ALDH1A2: variants seen among roughly 807,000 people sequenced by gnomAD.
The protein encoded by ALDH1A2 is aldehyde dehydrogenase 1 family member A2, also known as retinal dehydrogenase 2.
In ALDH1A2, 27 loss-of-function variants were observed where a neutral mutation model predicts 60.3. The observed-to-expected ratio is 0.45, with a 90% CI of 0.33 to 0.62. ALDH1A2 has a LOEUF of 0.62. Ranked by LOEUF, ALDH1A2 falls within the 20% of genes least tolerant of loss-of-function variation. The pLI is 0.02. For missense variants in ALDH1A2, 581 were observed against 643.8 expected (o/e 0.90, Z 1.06); for synonymous variants, 289 against 232.4 (o/e 1.24, Z -2.21).
chr15:57,995,600 G>A (rs1453558539), intron 4 of ALDH1A2, among the ~76,000 whole-genome samples: 2 of 152,066 alleles, frequency 1.3e-5, no homozygotes, highest in Non-Finnish European at 2.9e-5. Flanking sequence ...ACTGGAAAAA[G>A]TGAGGAGTAA....
At chr15:57,966,692 T>C (rs1425885576) in intron 7 of ALDH1A2, among the ~76,000 whole-genome samples, 1 of 152,202 alleles carries the variant, frequency 6.6e-6, no homozygotes, top group Non-Finnish European at 1.5e-5. Flanking sequence ...GTCCTACCCT[T>C]TCAGCCCAGC....
At chr15:58,057,647 C>T (rs1208842813) in intron 1 of ALDH1A2, among the ~76,000 whole-genome samples, 4 of 152,220 alleles carry the variant, frequency 2.6e-5, no homozygotes, top group African/African-American at 7.2e-5. Flanking sequence ...CTGGAAACAT[C>T]TCTATCTTCT....
intron 1 of ALDH1A2, among the ~76,000 whole-genome samples, chr15:58,042,287 C>A (rs564928308): frequency 1.3e-5 from 2 of 152,080 alleles, no homozygotes; most frequent in South Asian, 2.1e-4. Flanking sequence ...GAGCTAACTG[C>A]AGGTCCTCTG....
chr15:57,963,640 G>A lies in ALDH1A2; in HGVS notation c.1086+245C>T, dbSNP rs553414322. Among the ~76,000 whole-genome samples the A allele has an allele frequency of 5.3e-5, 8 of 152,204 alleles. No individual in the cohort carries two copies. In the South Asian group the frequency reaches 1.7e-3, roughly 32 times the overall value. On this transcript the variant is annotated intron_variant, in intron 9 of 12. Transcript: ENST00000249750. The stretch of plus-strand genomic sequence containing the variant: ...TTACAGGCGTGAGCCACTGCGCCCG[G>A]CCAGAATATTCTTAAAGTAATGGTA...
chr15:58,002,478 A>G (rs1452362329), intron 4 of ALDH1A2, among the ~76,000 whole-genome samples: 1 of 151,958 alleles, frequency 6.6e-6, no homozygotes, highest in East Asian at 1.9e-4. Flanking sequence ...AACTGATGGA[A>G]TTTTTAGTCT....
At chr15:58,011,147 T>C (rs1245718368) in intron 3 of ALDH1A2, among the ~76,000 whole-genome samples, 1 of 152,158 alleles carries the variant, frequency 6.6e-6, no homozygotes, top group African/African-American at 2.4e-5. Context: ...TCTGAATCCA[T>C]AAAGAGGAGC....
At chr15:58,036,439 A>G (rs1896380613) in intron 1 of ALDH1A2, among the ~76,000 whole-genome samples, 1 of 151,668 alleles carries the variant, frequency 6.6e-6, no homozygotes, top group South Asian at 2.1e-4. Context: ...ATAATAGTCT[A>G]AAGAAATGTC....
At chr15:58,028,109 A>G (rs139168114) in intron 1 of ALDH1A2, among the ~76,000 whole-genome samples, 325 of 152,298 alleles carry the variant, frequency 2.1e-3, no homozygotes, top group Non-Finnish European at 3.5e-3. Context: ...CAGATTCACC[A>G]AGGTTGAAAT....
chr15:58,023,930 C>G (rs1325133657), intron 1 of ALDH1A2, among the ~76,000 whole-genome samples: 1 of 152,080 alleles, frequency 6.6e-6, no homozygotes, highest in Non-Finnish European at 1.5e-5. Flanking sequence ...CTCCTCTCCA[C>G]TGAAAATACA....
chr15:57,962,933 C>A (rs1893775967), intron 9 of ALDH1A2, among the ~76,000 whole-genome samples: 1 of 152,130 alleles, frequency 6.6e-6, no homozygotes, highest in Non-Finnish European at 1.5e-5. Context: ...ACCAGAATTC[C>A]CTTTAGAAAT....
intron 7 of ALDH1A2, among the ~76,000 whole-genome samples, chr15:57,991,205 T>G (rs1008511995): frequency 1.3e-5 from 2 of 152,246 alleles, no homozygotes; most frequent in African/African-American, 2.4e-5. Context: ...TGTCTTAAAT[T>G]GATTGCATCT....
intron 3 of ALDH1A2, among the ~76,000 whole-genome samples, chr15:58,011,761 T>C (rs1294830564): frequency 6.6e-6 from 1 of 152,226 alleles, no homozygotes; most frequent in Non-Finnish European, 1.5e-5. Context: ...TACTTATCAC[T>C]GTATATTGGC....
chr15:58,049,395 T>A (rs7178015), intron 1 of ALDH1A2, among the ~76,000 whole-genome samples: 11,988 of 152,110 alleles, frequency 0.079, 487 homozygotes, highest in Middle Eastern at 0.13. Flanking sequence ...ATTTATTGAG[T>A]GGTTGTAAGG....
At chr15:57,993,210 T>A in intron 5 of ALDH1A2, 137 bp from the exon 6 acceptor site, 1 of 1,053,534 alleles carries the variant, frequency 9.5e-7, no homozygotes, top group South Asian at 1.4e-5. Context: ...ATGTTTGGAT[T>A]TTCAATTACT....
chr15:57,955,840 CT>C (rs762391529), intron 12 of ALDH1A2, among the ~76,000 whole-genome samples: 70 of 152,172 alleles, frequency 4.6e-4, no homozygotes, highest in Admixed American at 1.3e-3. Flanking sequence ...TCCTCCACAT[CT>C]CTTCTCTATT....
intron 1 of ALDH1A2, among the ~76,000 whole-genome samples, chr15:58,039,280 T>G (rs1896455798): frequency 6.6e-6 from 1 of 151,736 alleles, no homozygotes; most frequent in African/African-American, 2.4e-5. Context: ...TTATTAATAG[T>G]GACCATTCTG....
At chr15:58,023,788 C>T (rs1488001149) in intron 1 of ALDH1A2, among the ~76,000 whole-genome samples, 2 of 152,230 alleles carry the variant, frequency 1.3e-5, no homozygotes, top group African/African-American at 4.8e-5. Context: ...AGGACTGACC[C>T]TACAAGAAAT....
chr15:57,970,237 G>A (rs917106155), intron 7 of ALDH1A2, among the ~76,000 whole-genome samples: 2 of 152,210 alleles, frequency 1.3e-5, no homozygotes, highest in Admixed American at 6.5e-5. Flanking sequence ...AGCTCCTTAT[G>A]AAAGAGTAAG....
At position 57,993,003 on chromosome 15, in the gene ALDH1A2, A is replaced by G; in HGVS notation, c.626T>C (p.Ile209Thr). The G allele has an allele frequency of 1.2e-6, 2 of 1,613,966 alleles. No individual in the cohort carries two copies. Among genetic ancestry groups the G allele is most frequent in the Non-Finnish European group, 1.7e-6 (2 of 1,180,004 alleles). ...PALCCGNTVV[I>T]KPAEQTPLSA... Reference sequence around the variant, plus strand: ...GAGTGGTGTTTGCTCTGCTGGCTTAATAACTACTGTATTGCCACAGCACAA... The same window carrying G: ...GAGTGGTGTTTGCTCTGCTGGCTTAGTAACTACTGTATTGCCACAGCACAA... Residue 209 changes from isoleucine to threonine, a missense_variant, in exon 6 of 13, where the codon ATT (isoleucine) becomes ACT (threonine). Ile to Thr is a moderately conservative substitution (Grantham distance 89). Around this residue, in one of 2 missense-constraint regions of ALDH1A2, gnomAD observed 375 missense variants for 469.7 expected, o/e 0.80. Coordinates refer to ENST00000249750, the MANE Select transcript of ALDH1A2 (RefSeq NM_003888.4).
Sources: allele counts gnomAD v4.1 joint callset (sites outside exome capture counted in the v4.1 genomes callset), GRCh38; gene constraint gnomAD v4.1.1; regional missense constraint gnomAD v4.1.1; transcripts MANE v1.5; gene names NCBI Gene and HGNC (gene_info 2026-07-23, HGNC 2026-07-21).